The following HRAS variants were observed in gnomAD, a reference collection of about 807,000 sequenced individuals.
HRAS encodes the protein GTPase HRas.
HRAS carries 11 observed loss-of-function variants against 19.8 expected under a neutral mutation model. That is an observed-to-expected ratio of 0.55 (90% CI 0.35 to 0.92). The LOEUF (loss-of-function observed/expected upper bound fraction) is 0.92. HRAS is among the 40% of genes least tolerant of loss of function. HRAS has a pLI of 0.01. For synonymous variants in HRAS, 149 were observed against 105.5 expected, an observed-to-expected ratio of 1.41 and a Z score of -2.52; for missense variants, 204 against 255.9, an observed-to-expected ratio of 0.80 and a Z score of 1.38.
chr11:533,388 T>A, intron 4 of HRAS, 65 bp downstream of exon 4: 2 of 1,569,358 alleles, frequency 1.3e-6, no homozygotes, highest in Non-Finnish European at 1.7e-6. Context: ...CAGTGAGTGC[T>A]GCTCCCTGGC....
Position 533,522 on chromosome 11 carries a change from A to G in HRAS, c.381T>C (p.Ser127=). ...KCDLAARTVE[S]RQAQDLARSY... is the part of the protein sequence containing the mutation. ...TTCGGGCGAGGTCCTGAGCCTGCCG[A>G]GATTCCACAGTGCGTGCAGCCAGGT... The change falls in exon 4 of 6, where the codon TCT becomes TCC. Residue 127 remains serine (S), a synonymous_variant. Coordinates refer to ENST00000311189, the MANE Select transcript of HRAS (RefSeq NM_005343.4). The G allele has an allele frequency of 6.2e-7, 1 of 1,613,750 alleles. No homozygotes were observed. Among genetic ancestry groups the G allele is most frequent in the Non-Finnish European group, 8.5e-7 (1 of 1,179,994 alleles).
At position 532,319 on chromosome 11, in the gene HRAS, G is replaced by A. The variant is rs975341141; in HGVS notation, c.*209C>T. ...ACAGAGGCCTGGGAGGGGAGCTAAG[G>A]GCTGGGGTTCCGGTGGCATTTGGGA... On this transcript the variant is annotated 3_prime_UTR_variant, in exon 6 of 6. Coordinates refer to ENST00000311189, the MANE Select transcript of HRAS (RefSeq NM_005343.4). The A allele has an allele frequency of 1.4e-5, 7 of 507,722 alleles. No individual in the cohort carries two copies. Among genetic ancestry groups the A allele is most frequent in the African/African-American group, 3.8e-5 (2 of 52,506 alleles). The allele number at this position is 507,722 out of a possible 1,614,324, so 31.5% of individuals were successfully genotyped here.
rs747008553 is a variant in HRAS at position 533,468 on chromosome 11, C to T, written c.435G>A (p.Ser145=). The change falls in exon 4 of 6, where the codon TCG becomes TCA. Residue 145 remains serine (S), a synonymous_variant. Coordinates refer to ENST00000311189, the MANE Select transcript of HRAS (RefSeq NM_005343.4). ...GCTGCCTCACCTGCCGGGTCTTGGCCGAGGTCTCGATGTAGGGGATGCCGT... is the reference window on the plus strand; with the variant it reads ...GCTGCCTCACCTGCCGGGTCTTGGCTGAGGTCTCGATGTAGGGGATGCCGT... ...RSYGIPYIET[S]AKTRQGVEDA... is the part of the protein sequence containing the mutation. 1.4e-5 allele frequency: 23 copies of T among 1,613,274 alleles called. No homozygotes were observed. The highest frequency in any genetic ancestry group is 2.2e-5 in the East Asian group (1 of 44,890).
In HRAS at chr11:532,634, C is replaced by G. The variant is rs1017276958; in HGVS notation, c.*2G>C. 1.2e-6 allele frequency: 2 copies of G among 1,610,716 alleles called. No individual in the cohort carries two copies. The highest frequency in any genetic ancestry group is 1.7e-6 in the Non-Finnish European group (2 of 1,179,828). On this transcript the variant is annotated 3_prime_UTR_variant, in exon 5 of 6. Transcript: ENST00000311189. ...CCGCCCTGGGAGTCCCCCTCACCTG[C>G]GTCAGGAGAGCACACACTTGCAGCT...
At chr11:535,270 C>T (rs1241923449) in intron 1 of HRAS, 146 bp downstream of exon 1, 1 of 134,836 alleles carries the variant, frequency 7.4e-6, no homozygotes, top group Admixed American at 7.6e-5. Flanking sequence ...TGCCCGCGGG[C>T]CCCGCCCGGC....
Position 532,751 on chromosome 11 carries a change from A to G in HRAS, c.455T>C (p.Val152Ala). The G allele has an allele frequency of 1.2e-6, 2 of 1,612,260 alleles. No individual in the cohort carries two copies. The highest frequency in any genetic ancestry group is 1.7e-6 in the Non-Finnish European group (2 of 1,179,802). Residue 152 changes from valine (V) to alanine (A), a missense_variant, in exon 5 of 6, where the codon GTG becomes GCG. Val to Ala is a moderately conservative substitution (Grantham distance 64). Around this residue, in one of 4 missense-constraint regions of HRAS, gnomAD observed 142 missense variants for 141.1 expected, o/e 1.01. Transcript: ENST00000311189. ...CACCAACGTGTAGAAGGCATCCTCC[A>G]CTCCCTGGGAAAGGAGGGATGGGAT... ...IETSAKTRQG[V>A]EDAFYTLVRE...
Position 533,879 on chromosome 11 carries a change from G to C in HRAS, c.177C>G (p.Ala59=), listed in dbSNP as rs730880456. Reference sequence around the variant, plus strand: ...GCATGGCGCTGTACTCCTCCTGGCCGGCGGTATCCAGGATGTCCAACAGGC... The same window carrying C: ...GCATGGCGCTGTACTCCTCCTGGCCCGCGGTATCCAGGATGTCCAACAGGC... ...ETCLLDILDT[A]GQEEYSAMRD... is the part of the protein sequence containing the mutation. Residue 59 remains alanine (A), a synonymous_variant, in exon 3 of 6, where the codon GCC becomes GCG. Coordinates refer to ENST00000311189, the MANE Select transcript of HRAS (RefSeq NM_005343.4). 5 of 1,613,132 alleles carry C rather than the reference G, an allele frequency of 3.1e-6. No homozygotes were observed. Among genetic ancestry groups the C allele is most frequent in the African/African-American group, 1.3e-5 (1 of 74,908 alleles).
chr11:532,485 C>A lies in HRAS; in HGVS notation c.*43G>T, dbSNP rs537462204. Reference sequence around the variant, plus strand: ...CTTCCTCCTCCTTCCGTCTGCACCTCCTTCCTGCATCCGGCACCTCCATGT... The same window carrying A: ...CTTCCTCCTCCTTCCGTCTGCACCTACTTCCTGCATCCGGCACCTCCATGT... On this transcript the variant is annotated 3_prime_UTR_variant, in exon 6 of 6. Coordinates refer to ENST00000311189, the MANE Select transcript of HRAS (RefSeq NM_005343.4). The A allele has an allele frequency of 5.6e-6, 6 of 1,067,154 alleles. No individual in the cohort carries two copies. The South Asian group carries it at 7.4e-5, about 13-fold the overall frequency. 66.1% of individuals were successfully genotyped at this position (1,067,154 alleles called of 1,614,324 possible).
chr11:532,381 G>A lies in HRAS; in HGVS notation c.*147C>T. On this transcript the variant is annotated 3_prime_UTR_variant, in exon 6 of 6. Transcript: ENST00000311189. ...GTCTGTGCACAGCCTCCCTGGGAGG[G>A]TCTGCAGTCACCTCGGCCCACGGTC... 1 of 588,374 alleles carries A rather than the reference G, an allele frequency of 1.7e-6. No individual in the cohort carries two copies. The highest frequency in any genetic ancestry group is 3.0e-6 in the Non-Finnish European group (1 of 329,930). The allele number at this position is 588,374 out of a possible 1,614,324, so 36.4% of individuals were successfully genotyped here.
At chr11:532,585 G>T in intron 5 of HRAS, 46 bp downstream of exon 5, 1 of 1,587,146 alleles carries the variant, frequency 6.3e-7, no homozygotes. Flanking sequence ...GCGGGGAGCC[G>T]GGGTCATCCG....
chr11:533,341 A>G, intron 4 of HRAS, 112 bp downstream of exon 4: 1 of 1,605,756 alleles, frequency 6.2e-7, no homozygotes, highest in Non-Finnish European at 8.5e-7. Context: ...AGCTGGAGCT[A>G]GAGCCAGAGC....
intron 2 of HRAS, 46 bp from the exon 3 acceptor site, chr11:533,990 G>C (rs2133992417): frequency 2.5e-6 from 4 of 1,591,414 alleles, no homozygotes; most frequent in Non-Finnish European, 3.4e-6. Flanking sequence ...CCTTCCGTGG[G>C]GGGAGTTCAC....
chr11:532,430 CCCTTCCTT>C lies in HRAS; in HGVS notation c.*90_*97del. 2.8e-6 allele frequency: 2 copies of C among 713,882 alleles called. No individual in the cohort carries two copies. Among genetic ancestry groups the C allele is most frequent in the Non-Finnish European group, 4.6e-6 (2 of 431,912 alleles). 44.2% of individuals were successfully genotyped at this position (713,882 alleles called of 1,614,324 possible). ...TCCCGGGGTGACTGGGCTCCAGCAG[CCCTTCCTT>C]CCTTCCTTGCTTCCGTCCTTCCTTC... On this transcript the variant is annotated 3_prime_UTR_variant, in exon 6 of 6. Transcript: ENST00000311189.
intron 4 of HRAS, among the ~76,000 whole-genome samples, chr11:532,975 G>A (rs774752239): frequency 3.9e-5 from 6 of 152,228 alleles, no homozygotes; most frequent in Non-Finnish European, 7.3e-5. Context: ...AGGTCAGGGT[G>A]GCCCGGGGCC....
intron 4 of HRAS, chr11:533,167 C>A: frequency 2.9e-6 from 3 of 1,030,870 alleles, no homozygotes; most frequent in Non-Finnish European, 4.2e-6. Flanking sequence ...GGGCAGCTCT[C>A]CCCAAGGACC....
At position 534,324 on chromosome 11, in the gene HRAS, G is replaced by A. The variant is rs757657838; in HGVS notation, c.-2C>T. ...CACCACCAGCTTATATTCCGTCATC[G>A]CTCCTCAGGGGCCTGCGGCCCGGGG... is the stretch of plus-strand genomic sequence containing the variant. On this transcript the variant is annotated 5_prime_UTR_variant, in exon 2 of 6. Transcript: ENST00000311189. 1.9e-6 allele frequency: 3 copies of A among 1,610,154 alleles called. No individual in the cohort carries two copies. The highest frequency in any genetic ancestry group is 2.5e-6 in the Non-Finnish European group (3 of 1,178,672).
At position 532,511 on chromosome 11, in the gene HRAS, C is replaced by T; in HGVS notation, c.*17G>A. ...CTTCCTGCATCCGGCACCTCCATGT[C>T]CTGAGCTTGTGCTGGGCGGGGCACA... On this transcript the variant is annotated 3_prime_UTR_variant, in exon 6 of 6. Transcript: ENST00000311189. 1 of 1,339,932 alleles carries T rather than the reference C, an allele frequency of 7.5e-7. No individual in the cohort carries two copies. The highest frequency in any genetic ancestry group is 1.0e-6 in the Non-Finnish European group (1 of 975,372). The allele number at this position is 1,339,932 out of a possible 1,614,324, so 83.0% of individuals were successfully genotyped here.
rs1851244921 is a variant in HRAS, at chr11:533,539, C to T, written c.364G>A (p.Ala122Thr). ...GCCTGCCGAGATTCCACAGTGCGTG[C>T]AGCCAGGTCACACTTGTTCCCCACC... is the stretch of plus-strand genomic sequence containing the variant. ...VLVGNKCDLA[A>T]RTVESRQAQD... The change falls in exon 4 of 6, where the codon GCA becomes ACA. Residue 122 changes from alanine (A) to threonine (T), a missense_variant. Ala to Thr is a moderately conservative substitution (Grantham distance 58). This residue lies in a region of HRAS where 142 missense variants were observed against 141.1 expected (regional missense o/e 1.01). Transcript: ENST00000311189. 1 of 1,613,866 alleles carries T rather than the reference C, an allele frequency of 6.2e-7. No individual in the cohort carries two copies. The highest frequency in any genetic ancestry group is 8.5e-7 in the Non-Finnish European group (1 of 1,179,988).
In HRAS at chr11:532,628, C is replaced by T. The variant is rs1851172096; in HGVS notation, c.*5+3G>A. On this transcript the variant is annotated splice_donor_region_variant and intron_variant, in intron 5 of 5. Transcript: ENST00000311189. ...TGGCGGCCGCCCTGGGAGTCCCCCT[C>T]ACCTGCGTCAGGAGAGCACACACTT... 3 of 1,609,956 alleles carry T rather than the reference C, an allele frequency of 1.9e-6. No homozygotes were observed. The highest frequency in any genetic ancestry group is 2.2e-5 in the South Asian group (2 of 91,060).
Sources: gnomAD v4.1 joint callset for allele counts (sites outside exome capture counted in the v4.1 genomes callset) on GRCh38, gnomAD v4.1.1 for gene constraint, gnomAD v4.1.1 regional missense constraint, MANE v1.5 for transcripts, NCBI Gene and HGNC (gene_info 2026-07-23, HGNC 2026-07-21) for gene names.